MSI2: variants seen among roughly 807,000 people sequenced by gnomAD.
The protein encoded by MSI2 is musashi RNA binding protein 2.
MSI2 carries 17 observed loss-of-function variants against 45.6 expected under a neutral mutation model. That is an observed-to-expected ratio of 0.37 (90% CI 0.26 to 0.56). MSI2 has a LOEUF of 0.56. Among genes scored for constraint, MSI2 ranks in the 20% least tolerant of loss-of-function variants. The pLI is 0.77. For synonymous variants in MSI2, 156 were observed against 158.2 expected (o/e 0.99, Z 0.11); for missense variants, 293 against 444.2 (o/e 0.66, Z 3.06).
chr17:57,423,507 C>T (rs993743582), intron 6 of MSI2, among the ~76,000 whole-genome samples: 14 of 152,312 alleles, frequency 9.2e-5, no homozygotes, highest in African/African-American at 2.9e-4. Context: ...TGTTGGCCAG[C>T]GCCTGCTCAT....
intron 5 of MSI2, among the ~76,000 whole-genome samples, chr17:57,302,047 G>C (rs1911460377): frequency 6.6e-6 from 1 of 152,128 alleles, no homozygotes; most frequent in Non-Finnish European, 1.5e-5. Context: ...TCTCGTTGTG[G>C]TTTTATCTAG....
At chr17:57,306,427 C>T (rs576237602) in intron 5 of MSI2, among the ~76,000 whole-genome samples, 11 of 152,262 alleles carry the variant, frequency 7.2e-5, no homozygotes, top group African/African-American at 2.4e-4. Context: ...AAGTCCTGTC[C>T]GCCCCTTTAT....
intron 11 of MSI2, among the ~76,000 whole-genome samples, chr17:57,664,195 A>G (rs1912208501): frequency 6.6e-6 from 1 of 152,190 alleles, no homozygotes; most frequent in Non-Finnish European, 1.5e-5. Flanking sequence ...CCTTGGAGAT[A>G]GGAACAGGGA....
intron 5 of MSI2, chr17:57,263,766 C>T (rs964917962): frequency 2.0e-5 from 3 of 152,214 alleles, no homozygotes; most frequent in African/African-American, 4.8e-5. Context: ...AACTTGAAAA[C>T]GAGACAGAAT....
At chr17:57,409,551 G>T (rs1411961266) in intron 6 of MSI2, among the ~76,000 whole-genome samples, 1 of 152,166 alleles carries the variant, frequency 6.6e-6, no homozygotes, top group African/African-American at 2.4e-5. Context: ...GATTTGATTT[G>T]CCACAAGGAC....
chr17:57,438,855 G>T (rs1205855047), intron 6 of MSI2, among the ~76,000 whole-genome samples: 1 of 151,548 alleles, frequency 6.6e-6, no homozygotes, highest in Non-Finnish European at 1.5e-5. Flanking sequence ...AGGCTGGAGT[G>T]CAATGGCGCA....
Position 57,299,538 on chromosome 17 carries a change from G to A in MSI2, c.312+37346G>A, listed in dbSNP as rs903160844. 1.3e-4 allele frequency among the ~76,000 whole-genome samples: 20 copies of A among 152,112 alleles called. 1 individual carries two copies. Among genetic ancestry groups the A allele is most frequent in the Admixed American group, 1.3e-3 (20 of 15,268 alleles). On this transcript the variant is annotated intron_variant, in intron 5 of 13. Coordinates refer to ENST00000284073, the MANE Select transcript of MSI2 (RefSeq NM_138962.4). Reference sequence around the variant, plus strand: ...CTGCGGGAAGGGGAAGGGACGTGGGGGAATGGCCGGTCAGTGGATCAGTTA... The same window carrying A: ...CTGCGGGAAGGGGAAGGGACGTGGGAGAATGGCCGGTCAGTGGATCAGTTA...
At position 57,684,432 on chromosome 17, in the gene MSI2, T is replaced by C. The variant is rs1373569511; in HGVS notation, c.*4915T>C. ...GTAGTGAGTATTTTTTTTATATATATACATATATATGTACTATCTATATAT... is the reference window on the plus strand; with the variant it reads ...GTAGTGAGTATTTTTTTTATATATACACATATATATGTACTATCTATATAT... On this transcript the variant is annotated 3_prime_UTR_variant, in exon 14 of 14. Coordinates refer to ENST00000284073, the MANE Select transcript of MSI2 (RefSeq NM_138962.4). 8.0e-6 allele frequency: 1 copy of C among 125,194 alleles called. No individual in the cohort carries two copies. The highest frequency in any genetic ancestry group is 1.5e-5 in the Non-Finnish European group (1 of 67,664). 7.8% of individuals were successfully genotyped at this position (125,194 alleles called of 1,614,324 possible).
chr17:57,507,521 C>T (rs541952531), intron 6 of MSI2, among the ~76,000 whole-genome samples: 8 of 152,232 alleles, frequency 5.3e-5, no homozygotes, highest in Non-Finnish European at 1.0e-4. Flanking sequence ...GAAACCATTG[C>T]CAGTCTTGGT....
chr17:57,660,575 A>T (rs1371356405), intron 11 of MSI2, among the ~76,000 whole-genome samples: 1 of 152,226 alleles, frequency 6.6e-6, no homozygotes, highest in Non-Finnish European at 1.5e-5. Flanking sequence ...GGTAATTACA[A>T]TAGGATGCCA....
At position 57,380,492 on chromosome 17, in the gene MSI2, C is replaced by T. The variant is rs562617011; in HGVS notation, c.313-20887C>T. 9.3e-4 allele frequency among the ~76,000 whole-genome samples: 141 copies of T among 152,292 alleles called. 1 individual carries two copies. The South Asian group carries it at 0.019, about 21-fold the overall frequency. Reference sequence around the variant, plus strand: ...AGTTAGAAACTTGGAAGGCCCCCATCGTTCTGGCCTCCTAACAGGGAGAGT... The same window carrying T: ...AGTTAGAAACTTGGAAGGCCCCCATTGTTCTGGCCTCCTAACAGGGAGAGT... On this transcript the variant is annotated intron_variant, in intron 5 of 13. Coordinates refer to ENST00000284073, the MANE Select transcript of MSI2 (RefSeq NM_138962.4).
intron 5 of MSI2, among the ~76,000 whole-genome samples, chr17:57,358,200 G>GTGTGTGT (rs1567778446): frequency 0.018 from 767 of 41,924 alleles, 7 homozygotes; most frequent in South Asian, 0.063. Flanking sequence ...TGTGTGTGTG[G>GTGTGTGT]GGGGGTGTGT....
intron 5 of MSI2, among the ~76,000 whole-genome samples, chr17:57,380,154 G>A (rs372196203): frequency 7.9e-5 from 12 of 152,122 alleles, no homozygotes; most frequent in East Asian, 1.9e-4. Flanking sequence ...CCCTCTTCCC[G>A]CTCTTATTAT....
At chr17:57,658,810 G>T (rs1466310838) in intron 11 of MSI2, among the ~76,000 whole-genome samples, 1 of 152,186 alleles carries the variant, frequency 6.6e-6, no homozygotes, top group African/African-American at 2.4e-5. Context: ...AGGAGCTCAG[G>T]CCCAGCTGTC....
At chr17:57,268,392 A>G (rs1908014845) in intron 5 of MSI2, 1 of 152,214 alleles carries the variant, frequency 6.6e-6, no homozygotes, top group Non-Finnish European at 1.5e-5. Flanking sequence ...TGGTACAGTC[A>G]GTTGCCACTT....
chr17:57,475,692 C>T (rs1410543966), intron 6 of MSI2, among the ~76,000 whole-genome samples: 1 of 152,080 alleles, frequency 6.6e-6, no homozygotes, highest in African/African-American at 2.4e-5. Flanking sequence ...CTCAGGGTGT[C>T]AGAACCCTAG....
At chr17:57,366,433 T>C (rs1170564495) in intron 5 of MSI2, among the ~76,000 whole-genome samples, 1 of 152,258 alleles carries the variant, frequency 6.6e-6, no homozygotes, top group African/African-American at 2.4e-5. Context: ...TTCATAACTC[T>C]GACCACATGC....
At chr17:57,650,258 G>A (rs906723925) in intron 10 of MSI2, among the ~76,000 whole-genome samples, 27 of 150,888 alleles carry the variant, frequency 1.8e-4, no homozygotes, top group African/African-American at 5.9e-4. Context: ...AAGGAAACCC[G>A]CTGTTTTCAG....
At chr17:57,397,602 C>T (rs2083914101) in intron 5 of MSI2, among the ~76,000 whole-genome samples, 1 of 152,210 alleles carries the variant, frequency 6.6e-6, no homozygotes, top group African/African-American at 2.4e-5. Context: ...GAATGTGTGA[C>T]TCTAGGGTTC....
Sources: allele counts gnomAD v4.1 joint callset (sites outside exome capture counted in the v4.1 genomes callset), GRCh38; gene constraint gnomAD v4.1.1; transcripts MANE v1.5; gene names NCBI Gene and HGNC (gene_info 2026-07-23, HGNC 2026-07-21).